The following GMFB variants were observed in gnomAD, a reference collection of about 807,000 sequenced individuals.
GMFB encodes GMF-beta.
A neutral mutation model predicts 25.6 loss-of-function variants in GMFB; 13 were observed. The ratio of observed to expected loss-of-function variants is 0.51; its 90% CI spans 0.33 to 0.81. GMFB has a LOEUF of 0.81. GMFB is among the 30% of genes least tolerant of loss of function. GMFB has a pLI of 0.02. For missense variants in GMFB, 146 were observed against 175.4 expected, an observed-to-expected ratio of 0.83 and a Z score of 0.95; for synonymous variants, 57 against 56.9, an observed-to-expected ratio of 1.00 and a Z score of 0.00.
chr14:54,480,018 G>C, intron 5 of GMFB, 159 bp from the exon 6 acceptor site: 1 of 538,234 alleles, frequency 1.9e-6, no homozygotes, highest in Non-Finnish European at 3.3e-6. Flanking sequence ...ATTGCACACT[G>C]CCTACAGAAA....
chr14:54,478,072 AAC>A lies in GMFB; in HGVS notation c.*14_*15del. 8.3e-7 allele frequency: 1 copy of A among 1,211,808 alleles called. No individual in the cohort carries two copies. Among genetic ancestry groups the A allele is most frequent in the Middle Eastern group, 2.1e-4 (1 of 4,760 alleles). The allele number at this position is 1,211,808 out of a possible 1,614,324, so 75.1% of individuals were successfully genotyped here. A position where few individuals can be genotyped will look rare whatever the true frequency, so the allele number is the denominator to read the frequency against. ...CAGGTTAATACATAAATACTTTAGA[AAC>A]ACAGAAGTTCACATTAGTGAAAAAA... On this transcript the variant is annotated 3_prime_UTR_variant, in exon 7 of 7. Coordinates refer to ENST00000358056, the MANE Select transcript of GMFB (RefSeq NM_004124.3).
At chr14:54,479,066 T>C (rs2031677027) in intron 6 of GMFB, 1 of 152,140 alleles carries the variant, frequency 6.6e-6, no homozygotes, top group South Asian at 2.1e-4. Context: ...CAGAGGGCAC[T>C]TAAAGGCATT....
chr14:54,480,310 G>A (rs1360558544), intron 5 of GMFB: 1 of 157,208 alleles, frequency 6.4e-6, no homozygotes, highest in Non-Finnish European at 1.4e-5. Context: ...TATTTTGAGT[G>A]GGAAGTAAAT....
At chr14:54,488,570 C>T in intron 1 of GMFB, 1 of 265,722 alleles carries the variant, frequency 3.8e-6, no homozygotes. Flanking sequence ...ATTGAGGGAG[C>T]CCTCCGATGG....
rs375270507 is a variant in GMFB at position 54,482,247 on chromosome 14, C to A, written c.101-45G>T. ...TGAGTAAGCTGGGATTCTAATGTGA[C>A]CCTGATCTGCCCAACCCACACAATC... On this transcript the variant is annotated intron_variant, in intron 2 of 6. Coordinates refer to ENST00000358056, the MANE Select transcript of GMFB (RefSeq NM_004124.3). The A allele has an allele frequency of 2.0e-4, 235 of 1,197,784 alleles. No homozygotes were observed. In the African/African-American group the frequency reaches 3.1e-3, roughly 16 times the overall value. The allele number at this position is 1,197,784 out of a possible 1,614,324, so 74.2% of individuals were successfully genotyped here. A position where few individuals can be genotyped will look rare whatever the true frequency, so the allele number is the denominator to read the frequency against.
rs552079002 is a variant in GMFB at position 54,477,719 on chromosome 14, A to C, written c.*369T>G. ...CTATTTTCATAAATAAACTGCTAATATCCAGTATTTGTCAAAAGGAGGCAA... is the reference window on the plus strand; with the variant it reads ...CTATTTTCATAAATAAACTGCTAATCTCCAGTATTTGTCAAAAGGAGGCAA... On this transcript the variant is annotated 3_prime_UTR_variant, in exon 7 of 7. Coordinates refer to ENST00000358056, the MANE Select transcript of GMFB (RefSeq NM_004124.3). The C allele has an allele frequency of 8.1e-4, 136 of 168,154 alleles. 1 individual carries two copies. The highest frequency in any genetic ancestry group is 1.2e-3 in the Non-Finnish European group (92 of 78,878). The allele number at this position is 168,154 out of a possible 1,614,324, so 10.4% of individuals were successfully genotyped here. A position where few individuals can be genotyped will look rare whatever the true frequency, so the allele number is the denominator to read the frequency against.
At position 54,483,858 on chromosome 14, in the gene GMFB, C is replaced by T. The variant is rs2031746728; in HGVS notation, c.4-91G>A. The T allele has an allele frequency of 4.0e-6, 3 of 758,404 alleles. No individual in the cohort carries two copies. The South Asian group carries it at 4.3e-5, about 11-fold the overall frequency. 47.0% of individuals were successfully genotyped at this position (758,404 alleles called of 1,614,324 possible). On this transcript the variant is annotated intron_variant, in intron 1 of 6. Transcript: ENST00000358056. ...AAACCTAATACCTTTATAATGCATA[C>T]TGACATTCACAAATGTCAATTAAGT...
chr14:54,488,529 C>T (rs781412131), intron 1 of GMFB: 10 of 205,722 alleles, frequency 4.9e-5, no homozygotes, highest in Non-Finnish European at 2.9e-5. Context: ...ACCCCTGGAA[C>T]CTGGCCACGG....
At chr14:54,486,158 G>A (rs910373815) in intron 1 of GMFB, among the ~76,000 whole-genome samples, 3 of 152,108 alleles carry the variant, frequency 2.0e-5, no homozygotes, top group Non-Finnish European at 2.9e-5. Context: ...GCTGAGGCAG[G>A]AGAATCGCTT....
At chr14:54,485,796 C>T (rs1052301029) in intron 1 of GMFB, among the ~76,000 whole-genome samples, 6 of 152,106 alleles carry the variant, frequency 3.9e-5, no homozygotes, top group Non-Finnish European at 8.8e-5. Flanking sequence ...TGGCATAAAA[C>T]CACACACACA....
intron 1 of GMFB, 107 bp downstream of exon 1, chr14:54,488,818 C>G: frequency 1.2e-6 from 1 of 861,168 alleles, no homozygotes; most frequent in African/African-American, 1.8e-5. Flanking sequence ...AAGCGGCCGC[C>G]GAGCCCTCCT....
chr14:54,481,932 C>A (rs2031715884), intron 3 of GMFB, among the ~76,000 whole-genome samples: 1 of 152,144 alleles, frequency 6.6e-6, no homozygotes, highest in Non-Finnish European at 1.5e-5. Flanking sequence ...ATGACCCCAA[C>A]TTATACCACT....
chr14:54,475,568 A>G lies in GMFB; in HGVS notation c.*2520T>C, dbSNP rs917438173. ...TTCCTAATATAATTGCGTCAATACC[A>G]GAACAAAGTGATCACTATTCAAAAC... On this transcript the variant is annotated 3_prime_UTR_variant, in exon 7 of 7. Coordinates refer to ENST00000358056, the MANE Select transcript of GMFB (RefSeq NM_004124.3). 2.6e-5 allele frequency: 4 copies of G among 152,590 alleles called. No individual in the cohort carries two copies. Among genetic ancestry groups the G allele is most frequent in the Admixed American group, 2.6e-4 (4 of 15,280 alleles). The allele number at this position is 152,590 out of a possible 1,614,324, so 9.5% of individuals were successfully genotyped here.
chr14:54,478,052 T>A lies in GMFB; in HGVS notation c.*36A>T. ...ATGTCTGATTCCAGTATGGTCAGGT[T>A]AATACATAAATACTTTAGAAACACA... On this transcript the variant is annotated 3_prime_UTR_variant, in exon 7 of 7. Transcript: ENST00000358056. 1 of 893,122 alleles carries A rather than the reference T, an allele frequency of 1.1e-6. No homozygotes were observed. Among genetic ancestry groups the A allele is most frequent in the South Asian group, 1.7e-5 (1 of 59,906 alleles). 55.3% of individuals were successfully genotyped at this position (893,122 alleles called of 1,614,324 possible). A position where few individuals can be genotyped will look rare whatever the true frequency, so the allele number is the denominator to read the frequency against.
chr14:54,480,987 C>A, intron 4 of GMFB, 31 bp from the exon 5 acceptor site: 1 of 1,057,546 alleles, frequency 9.5e-7, no homozygotes, highest in Non-Finnish European at 1.4e-6. Flanking sequence ...ACTAAAGTTA[C>A]TGCTCTCAGA....
intron 3 of GMFB, 26 bp downstream of exon 3, chr14:54,482,127 A>T (rs962742771): frequency 1.4e-6 from 2 of 1,428,372 alleles, no homozygotes; most frequent in Non-Finnish European, 2.0e-6. Flanking sequence ...TTAACTATAA[A>T]ATTGTATTTA....
At chr14:54,481,983 T>TAG in intron 3 of GMFB, 170 bp downstream of exon 3, 1 of 580,450 alleles carries the variant, frequency 1.7e-6, no homozygotes, top group East Asian at 3.0e-5. Context: ...ACAAGGTAGT[T>TAG]AAATTAGCAA....
chr14:54,476,141 G>C lies in GMFB; in HGVS notation c.*1947C>G, dbSNP rs1033875735. ...AGTCAGACAAGCTCAAAAAAGCATGGTTTATCACAGCTCTTTGCTCCTGTT... is the reference window on the plus strand; with the variant it reads ...AGTCAGACAAGCTCAAAAAAGCATGCTTTATCACAGCTCTTTGCTCCTGTT... On this transcript the variant is annotated 3_prime_UTR_variant, in exon 7 of 7. Transcript: ENST00000358056. 1 of 152,008 alleles carries C rather than the reference G, an allele frequency of 6.6e-6. No individual in the cohort carries two copies. Among genetic ancestry groups the C allele is most frequent in the Admixed American group, 6.6e-5 (1 of 15,266 alleles). The allele number at this position is 152,008 out of a possible 1,614,324, so 9.4% of individuals were successfully genotyped here. A position where few individuals can be genotyped will look rare whatever the true frequency, so the allele number is the denominator to read the frequency against.
At chr14:54,483,421 G>C (rs1326219583) in intron 2 of GMFB, 8 of 419,844 alleles carry the variant, frequency 1.9e-5, no homozygotes, top group Non-Finnish European at 3.4e-5. Context: ...CAAGGACCAA[G>C]ACGACCGCCT....
Sources: gnomAD v4.1 joint callset for allele counts (sites outside exome capture counted in the v4.1 genomes callset) on GRCh38, gnomAD v4.1.1 for gene constraint, MANE v1.5 for transcripts, NCBI Gene and HGNC (gene_info 2026-07-23, HGNC 2026-07-21) for gene names.